Variants in ACAD11 observed in about 807,000 individuals in gnomAD.
ACAD11 encodes the protein acyl-CoA dehydrogenase family member 11, also known as acyl-Coenzyme A dehydrogenase family, member 11.
In ACAD11, 83 loss-of-function variants were observed where a neutral mutation model predicts 102.2. That is an observed-to-expected ratio of 0.81 (90% confidence interval 0.68 to 0.97). The LOEUF (loss-of-function observed/expected upper bound fraction) is 0.97. Among genes scored for constraint, ACAD11 ranks in the 50% least tolerant of loss-of-function variants. ACAD11 has a pLI of 0.00. For missense variants in ACAD11, 901 were observed against 951.7 expected (o/e 0.95, Z 0.70); for synonymous variants, 324 against 319.8 (o/e 1.01, Z -0.14).
chr3:132,564,177 T>C (rs1576543865), intron 17 of ACAD11, among the ~76,000 whole-genome samples: 2 of 152,240 alleles, frequency 1.3e-5, no homozygotes, highest in Non-Finnish European at 2.9e-5. Flanking sequence ...TTTTACATAC[T>C]GCCAGATTCT....
At chr3:132,579,398 T>G (rs1576555829) in intron 14 of ACAD11, 94 bp downstream of exon 14, 1 of 980,258 alleles carries the variant, frequency 1.0e-6, no homozygotes, top group East Asian at 2.4e-5. Flanking sequence ...TTATGATTTG[T>G]GAGTCCAAAC....
At chr3:132,559,791 C>A (rs768024945) in intron 19 of ACAD11, 42 bp downstream of exon 19, 1 of 1,524,890 alleles carries the variant, frequency 6.6e-7, no homozygotes, top group East Asian at 2.3e-5. Flanking sequence ...TTTACCTCCA[C>A]GCCTATCAAA....
At chr3:132,560,335 A>T (rs1326209132) in intron 18 of ACAD11, among the ~76,000 whole-genome samples, 1 of 152,178 alleles carries the variant, frequency 6.6e-6, no homozygotes, top group African/African-American at 2.4e-5. Context: ...ATAATCCAGA[A>T]ACATAAGAAA....
At chr3:132,623,984 TCCCCACCACC>T (rs1348125063) in intron 9 of ACAD11, among the ~76,000 whole-genome samples, 1 of 145,686 alleles carries the variant, frequency 6.9e-6, no homozygotes, top group African/African-American at 2.5e-5. Context: ...TTCTGCCCAA[TCCCCACCACC>T]CCCCACCACC....
intron 11 of ACAD11, among the ~76,000 whole-genome samples, chr3:132,610,455 A>G (rs1270281657): frequency 6.6e-6 from 1 of 152,194 alleles, no homozygotes; most frequent in Non-Finnish European, 1.5e-5. Flanking sequence ...GAAAAGATCA[A>G]CAAAATTGAT....
intron 13 of ACAD11, among the ~76,000 whole-genome samples, chr3:132,599,115 C>A (rs1381901817): frequency 1.3e-5 from 2 of 152,036 alleles, no homozygotes; most frequent in Non-Finnish European, 2.9e-5. Flanking sequence ...GAGTTTGAGA[C>A]CAGCCTTGGC....
At position 132,638,226 on chromosome 3, in the gene ACAD11, A is replaced by G. The variant is rs901502750; in HGVS notation, c.702+1266T>C. 2.6e-5 allele frequency among the ~76,000 whole-genome samples: 4 copies of G among 151,850 alleles called. No individual in the cohort carries two copies. In the East Asian group the frequency reaches 7.7e-4, roughly 29 times the overall value. The stretch of plus-strand genomic sequence containing the variant: ...CAGCAACTCAGAATTTTTTTTTTCA[A>G]TTTTAAAAGGTACACAATGTCAATT... On this transcript the variant is annotated intron_variant, in intron 5 of 19. Transcript: ENST00000264990.
intron 1 of ACAD11, among the ~76,000 whole-genome samples, chr3:132,651,784 T>A (rs1346089559): frequency 6.6e-6 from 1 of 152,234 alleles, no homozygotes; most frequent in Non-Finnish European, 1.5e-5. Context: ...TGGACTTGCA[T>A]GGGGCCTGTA....
intron 10 of ACAD11, chr3:132,619,095 T>A (rs1939516409): frequency 3.4e-6 from 1 of 296,292 alleles, no homozygotes; most frequent in African/African-American, 2.2e-5. Flanking sequence ...CCAAATATAC[T>A]ACTTTGTGCA....
chr3:132,615,616 A>C (rs1383542268), intron 11 of ACAD11, among the ~76,000 whole-genome samples: 1 of 152,180 alleles, frequency 6.6e-6, no homozygotes, highest in Non-Finnish European at 1.5e-5. Flanking sequence ...CATAAGTAGG[A>C]GCTGAACAAT....
intron 13 of ACAD11, among the ~76,000 whole-genome samples, chr3:132,599,662 G>C (rs1019939405): frequency 5.3e-5 from 8 of 152,150 alleles, no homozygotes; most frequent in Admixed American, 2.0e-4. Context: ...CAGAACTTGG[G>C]AACTGATTGG....
intron 13 of ACAD11, among the ~76,000 whole-genome samples, chr3:132,579,784 A>C (rs1937572884): frequency 6.6e-6 from 1 of 152,170 alleles, no homozygotes; most frequent in African/African-American, 2.4e-5. Context: ...CTACACAAAA[A>C]TAACCAGAAG....
intron 13 of ACAD11, among the ~76,000 whole-genome samples, chr3:132,600,003 G>T (rs1407829265): frequency 1.3e-5 from 2 of 152,038 alleles, no homozygotes; most frequent in African/African-American, 4.8e-5. Flanking sequence ...ACAAAATTAT[G>T]TATGTAAAGA....
intron 1 of ACAD11, among the ~76,000 whole-genome samples, chr3:132,652,904 T>C (rs1238215969): frequency 3.9e-5 from 6 of 152,150 alleles, no homozygotes; most frequent in African/African-American, 1.4e-4. Context: ...GAAAATTTCA[T>C]ACTTCTGAAT....
intron 10 of ACAD11, 67 bp from the exon 11 acceptor site, chr3:132,618,839 T>G: frequency 2.2e-6 from 3 of 1,377,556 alleles, no homozygotes; most frequent in Non-Finnish European, 2.9e-6. Flanking sequence ...TTATTTCTTT[T>G]TTTAAATATT....
At chr3:132,569,152 T>TA (rs922563138) in intron 17 of ACAD11, among the ~76,000 whole-genome samples, 15 of 149,450 alleles carry the variant, frequency 1.0e-4, no homozygotes, top group East Asian at 7.9e-4. Context: ...AAATTCAAAG[T>TA]AAAAAAAAAG....
intron 17 of ACAD11, among the ~76,000 whole-genome samples, chr3:132,570,275 G>T (rs1937336528): frequency 6.6e-6 from 1 of 152,110 alleles, no homozygotes; most frequent in South Asian, 2.1e-4. Flanking sequence ...TCTAAACACA[G>T]AATTGAGTTG....
In ACAD11 at chr3:132,618,791, T is replaced by A; in HGVS notation, c.1276-19A>T. 6.5e-7 allele frequency: 1 copy of A among 1,540,844 alleles called. No homozygotes were observed. The highest frequency in any genetic ancestry group is 1.4e-5 in the African/African-American group (1 of 70,996). On this transcript the variant is annotated intron_variant, in intron 10 of 19. Transcript: ENST00000264990. Reference sequence around the variant, plus strand: ...CCATTTCCTGTCAAGGTGATGAACATGCCAGAGTGACCATAATTTACCAGG... The same window carrying A: ...CCATTTCCTGTCAAGGTGATGAACAAGCCAGAGTGACCATAATTTACCAGG...
intron 19 of ACAD11, among the ~76,000 whole-genome samples, chr3:132,559,439 T>C (rs923624278): frequency 4.6e-5 from 7 of 152,062 alleles, no homozygotes; most frequent in Non-Finnish European, 1.0e-4. Flanking sequence ...TCTATCTCCA[T>C]TGTGATAGAG....
Sources: allele counts gnomAD v4.1 joint callset (sites outside exome capture counted in the v4.1 genomes callset), GRCh38; gene constraint gnomAD v4.1.1; transcripts MANE v1.5; gene names NCBI Gene and HGNC (gene_info 2026-07-23, HGNC 2026-07-21).